Variants in RIC8B observed in about 807,000 individuals in gnomAD.
The protein encoded by RIC8B is chaperone Ric-8B.
In RIC8B, 16 loss-of-function variants were observed where a neutral mutation model predicts 57.5. The observed-to-expected ratio is 0.28, with a 90% CI of 0.19 to 0.42. The LOEUF (loss-of-function observed/expected upper bound fraction) is 0.42, where lower values mean the gene tolerates loss of function less well. Ranked by LOEUF, RIC8B falls within the 10% of genes least tolerant of loss-of-function variation. The pLI is 1.00. For missense variants in RIC8B, 481 were observed against 677.0 expected (o/e 0.71, Z 3.21); for synonymous variants, 216 against 250.8 (o/e 0.86, Z 1.31).
At chr12:106,875,927 G>A (rs1328053077) in intron 9 of RIC8B, among the ~76,000 whole-genome samples, 1 of 151,382 alleles carries the variant, frequency 6.6e-6, no homozygotes, top group East Asian at 2.0e-4. Context: ...GTTTATAACT[G>A]AAAAATAACA....
intron 2 of RIC8B, among the ~76,000 whole-genome samples, chr12:106,812,263 G>C (rs2045368418): frequency 6.6e-6 from 1 of 152,088 alleles, no homozygotes; most frequent in Non-Finnish European, 1.5e-5. Context: ...CAAGCTTTTA[G>C]ATGAAGCAGT....
chr12:106,809,189 C>T (rs58296385), intron 2 of RIC8B, among the ~76,000 whole-genome samples: 1 of 152,150 alleles, frequency 6.6e-6, no homozygotes, highest in Admixed American at 6.5e-5. Context: ...TCTTTTATTT[C>T]TTAGCCAAGT....
At chr12:106,877,461 G>A (rs909365179) in intron 9 of RIC8B, among the ~76,000 whole-genome samples, 1 of 152,136 alleles carries the variant, frequency 6.6e-6, no homozygotes, top group Admixed American at 6.5e-5. Flanking sequence ...AGATTTAGAG[G>A]ACATGCATTA....
Position 106,828,907 on chromosome 12 carries a change from G to A in RIC8B, c.836+3087G>A, listed in dbSNP as rs78998660. Among the ~76,000 whole-genome samples, 506 of 152,196 alleles carry A rather than the reference G, an allele frequency of 3.3e-3. 3 individuals are homozygous for A. Among genetic ancestry groups the A allele is most frequent in the African/African-American group, 0.011 (475 of 41,514 alleles). On this transcript the variant is annotated intron_variant, in intron 4 of 9. Coordinates refer to ENST00000392837, the MANE Select transcript of RIC8B (RefSeq NM_001330145.2). Reference sequence around the variant, plus strand: ...TCCAAGTGTTTCTGAAGCCAGATAAGTTCTATGATATATGCATGTTAGGAG... The same window carrying A: ...TCCAAGTGTTTCTGAAGCCAGATAAATTCTATGATATATGCATGTTAGGAG...
At chr12:106,834,519 C>G (rs2046496440) in intron 4 of RIC8B, among the ~76,000 whole-genome samples, 1 of 152,108 alleles carries the variant, frequency 6.6e-6, no homozygotes, top group African/African-American at 2.4e-5. Context: ...AATTTTAACT[C>G]TTCTCTCAAT....
intron 2 of RIC8B, among the ~76,000 whole-genome samples, chr12:106,785,578 A>G (rs1017679676): frequency 6.6e-6 from 1 of 152,170 alleles, no homozygotes; most frequent in African/African-American, 2.4e-5. Flanking sequence ...TGACCATGGA[A>G]TATAAATTTT....
intron 9 of RIC8B, chr12:106,874,526 G>T: frequency 6.4e-7 from 1 of 1,551,348 alleles, no homozygotes; most frequent in Non-Finnish European, 8.7e-7. Flanking sequence ...GTTAGCAACA[G>T]TGGCCCGTGC....
chr12:106,860,068 C>T (rs2136515895), intron 7 of RIC8B, among the ~76,000 whole-genome samples, 200 bp from the exon 8 acceptor site: 1 of 152,184 alleles, frequency 6.6e-6, no homozygotes, highest in East Asian at 1.9e-4. Flanking sequence ...TCTGGTACCT[C>T]AAAAAAGGCT....
At chr12:106,787,336 T>C (rs1454264908) in intron 2 of RIC8B, among the ~76,000 whole-genome samples, 2 of 152,192 alleles carry the variant, frequency 1.3e-5, no homozygotes, top group Non-Finnish European at 2.9e-5. Flanking sequence ...TAAGGCTCTT[T>C]TTAGACTTAG....
chr12:106,828,912 A>G (rs12310797), intron 4 of RIC8B, among the ~76,000 whole-genome samples: 200 of 152,314 alleles, frequency 1.3e-3, no homozygotes, highest in African/African-American at 4.5e-3. Flanking sequence ...GATAAGTTCT[A>G]TGATATATGC....
chr12:106,837,255 A>T (rs1213518566), intron 4 of RIC8B, among the ~76,000 whole-genome samples: 1 of 152,020 alleles, frequency 6.6e-6, no homozygotes, highest in Non-Finnish European at 1.5e-5. Flanking sequence ...CCAGCTACTC[A>T]GGAGGCTGAG....
chr12:106,804,566 G>A (rs1348156893), intron 2 of RIC8B, among the ~76,000 whole-genome samples: 1 of 152,162 alleles, frequency 6.6e-6, no homozygotes, highest in Non-Finnish European at 1.5e-5. Context: ...TTGGTCAGGT[G>A]GCAGCTGGGA....
At chr12:106,851,639 A>T in intron 7 of RIC8B, 45 bp downstream of exon 7, 2 of 1,551,978 alleles carry the variant, frequency 1.3e-6, no homozygotes, top group Non-Finnish European at 8.8e-7. Context: ...TTTCAGAGGG[A>T]CTTTGAGAAA....
intron 3 of RIC8B, among the ~76,000 whole-genome samples, chr12:106,817,814 AACACT>A (rs990427326): frequency 5.7e-5 from 8 of 140,376 alleles, no homozygotes; most frequent in South Asian, 2.4e-4. Context: ...GACAGAGCGA[AACACT>A]GTCTCAAAAA....
At chr12:106,821,618 A>G (rs1407617589) in intron 3 of RIC8B, among the ~76,000 whole-genome samples, 1 of 152,200 alleles carries the variant, frequency 6.6e-6, no homozygotes, top group Non-Finnish European at 1.5e-5. Flanking sequence ...TAAGGATAAA[A>G]TTATTAATTA....
At chr12:106,844,048 A>G in intron 6 of RIC8B, 101 bp downstream of exon 6, 1 of 846,810 alleles carries the variant, frequency 1.2e-6, no homozygotes, top group Non-Finnish European at 1.9e-6. Context: ...GTTTCAGATA[A>G]TCAGAAACTC....
intron 3 of RIC8B, among the ~76,000 whole-genome samples, chr12:106,820,954 C>T (rs2045813739): frequency 6.6e-6 from 1 of 152,180 alleles, no homozygotes; most frequent in Non-Finnish European, 1.5e-5. Flanking sequence ...TGCCCTTCAT[C>T]CTTAGGGACT....
At chr12:106,864,156 G>A (rs912505113) in intron 8 of RIC8B, among the ~76,000 whole-genome samples, 2 of 152,026 alleles carry the variant, frequency 1.3e-5, no homozygotes, top group Admixed American at 1.3e-4. Context: ...TCATTTATAT[G>A]GTAATTCTTA....
At chr12:106,832,397 G>A (rs1209212941) in intron 4 of RIC8B, among the ~76,000 whole-genome samples, 4 of 151,936 alleles carry the variant, frequency 2.6e-5, no homozygotes, top group African/African-American at 9.7e-5. Context: ...GTGAAACCAC[G>A]TCTCTACCAA....
Sources: gnomAD v4.1 joint callset for allele counts (sites outside exome capture counted in the v4.1 genomes callset) on GRCh38, gnomAD v4.1.1 for gene constraint, MANE v1.5 for transcripts, NCBI Gene and HGNC (gene_info 2026-07-23, HGNC 2026-07-21) for gene names.